The following NEMP2 variants were observed in gnomAD, a reference collection of about 807,000 sequenced individuals.
NEMP2 encodes the protein nuclear envelope integral membrane protein 2.
In NEMP2, 53 loss-of-function variants were observed where a neutral mutation model predicts 54.2. The observed-to-expected ratio is 0.98, with a 90% CI of 0.78 to 1.23. NEMP2 has a LOEUF of 1.23. Ranked by LOEUF, NEMP2 falls within the 50% of genes most tolerant of loss-of-function variation. The pLI is 0.00. For missense variants in NEMP2, 455 were observed against 511.3 expected (o/e 0.89, Z 1.06); for synonymous variants, 197 against 190.3 (o/e 1.04, Z -0.29).
the NEMP2 span, among the ~76,000 whole-genome samples, chr2:190,597,575 G>A: frequency 1.7e-4 from 26 of 152,250 alleles, no homozygotes; most frequent in East Asian, 3.1e-3. This position sits in a 1 kb window ranked among gnomAD's most constrained non-coding sequence, Gnocchi z 4.7. Context: ...AAGAATGTCC[G>A]TGTAGCAATC....
At chr2:190,532,221 C>T (rs1041557573) in intron 1 of NEMP2, among the ~76,000 whole-genome samples, 4 of 152,154 alleles carry the variant, frequency 2.6e-5, no homozygotes, top group East Asian at 1.9e-4. Flanking sequence ...AAGGTGTTAA[C>T]GTGAGGCACC....
upstream of NEMP2, among the ~76,000 whole-genome samples, chr2:190,537,133 G>C (rs1691401643): frequency 6.6e-6 from 1 of 152,116 alleles, no homozygotes; most frequent in South Asian, 2.1e-4. Flanking sequence ...AATATATATA[G>C]AGAATTTCAG....
chr2:190,615,462 G>A, the NEMP2 span, among the ~76,000 whole-genome samples: 3 of 152,198 alleles, frequency 2.0e-5, no homozygotes, highest in Non-Finnish European at 1.5e-5. The surrounding 1 kb of genome is among the most constrained non-coding windows in gnomAD (Gnocchi z 4.7). Flanking sequence ...TGAAGGGCAC[G>A]GAGCTTCCAC....
At chr2:190,496,695 C>T in the NEMP2 span, among the ~76,000 whole-genome samples, 2 of 151,526 alleles carry the variant, frequency 1.3e-5, no homozygotes, top group Non-Finnish European at 2.9e-5. This position sits in a 1 kb window ranked among gnomAD's most constrained non-coding sequence, Gnocchi z 4.7. Context: ...CACACACACA[C>T]ATATACATAC....
At chr2:190,429,785 C>T in the NEMP2 span, among the ~76,000 whole-genome samples, 1 of 151,924 alleles carries the variant, frequency 6.6e-6, no homozygotes, top group East Asian at 1.9e-4. Context: ...CTATAATCTA[C>T]CTGGAATTCA....
chr2:190,497,840 G>A, the NEMP2 span: 1 of 1,198,302 alleles, frequency 8.3e-7, no homozygotes, highest in Non-Finnish European at 1.2e-6. This position sits in a 1 kb window ranked among gnomAD's most constrained non-coding sequence, Gnocchi z 5.2. Flanking sequence ...GGGGGAAATA[G>A]ACATGCAAAC....
Position 190,525,947 on chromosome 2 carries a change from A to AGCATT in NEMP2, c.98-574_98-570dup, listed in dbSNP as rs1220868105. Among the ~76,000 whole-genome samples the AGCATT allele has an allele frequency of 6.6e-6, 1 of 152,186 alleles. No homozygotes were observed. Among genetic ancestry groups the AGCATT allele is most frequent in the East Asian group, 1.9e-4 (1 of 5,198 alleles). On this transcript the variant is annotated intron_variant, in intron 1 of 8. Transcript: ENST00000409150. This position sits in a 1 kb window ranked among gnomAD's most constrained non-coding sequence, Gnocchi z 5.0. ...CATGTGGACTCCATCTTGAAAGCAGAGCATTGGAGGATTTTAGGTAAGTAT... is the reference window on the plus strand; with the variant it reads ...CATGTGGACTCCATCTTGAAAGCAGAGCATTGCATTGGAGGATTTTAGGTAAGTAT...
chr2:190,514,702 T>C lies in NEMP2; in HGVS notation c.728-24A>G. 1.3e-6 allele frequency: 2 copies of C among 1,540,766 alleles called. No individual in the cohort carries two copies. The highest frequency in any genetic ancestry group is 1.8e-6 in the Non-Finnish European group (2 of 1,137,818). On this transcript the variant is annotated intron_variant, in intron 6 of 8. Transcript: ENST00000409150. The surrounding 1 kb of genome is among the most constrained non-coding windows in gnomAD (Gnocchi z 5.7). ...GCCTGGAAAAGTGGAAGAGGTAAAA[T>C]AATATAAATTTGAATTTGAGACATT...
chr2:190,557,923 G>A, the NEMP2 span, among the ~76,000 whole-genome samples: 1 of 152,156 alleles, frequency 6.6e-6, no homozygotes, highest in African/African-American at 2.4e-5. Context: ...GGTGATTCCT[G>A]AAGGACCTAG....
chr2:190,572,847 A>T, the NEMP2 span, among the ~76,000 whole-genome samples: 1 of 109,250 alleles, frequency 9.2e-6, no homozygotes, highest in Admixed American at 8.9e-5. Flanking sequence ...ATATATATAT[A>T]TATATATATA....
At chr2:190,594,255 CA>C in the NEMP2 span, among the ~76,000 whole-genome samples, 1 of 152,194 alleles carries the variant, frequency 6.6e-6, no homozygotes, top group East Asian at 1.9e-4. The surrounding 1 kb of genome is among the most constrained non-coding windows in gnomAD (Gnocchi z 5.6). Context: ...ACCTCTTCAG[CA>C]AGGACTTCTC....
chr2:190,569,341 A>T, the NEMP2 span, among the ~76,000 whole-genome samples: 1 of 152,202 alleles, frequency 6.6e-6, no homozygotes, highest in African/African-American at 2.4e-5. Context: ...TTTCACTGTA[A>T]TTATTACTAA....
At position 190,505,424 on chromosome 2, in the gene NEMP2, A is replaced by G. The variant is rs958396472; in HGVS notation, c.*3765T>C. ...AGGTGCCTCATATAGTGCCTGATGG[A>G]TCTCTAGTCAATGTTGGTATTCTTT... On this transcript the variant is annotated 3_prime_UTR_variant, in exon 9 of 9. Coordinates refer to ENST00000409150, the MANE Select transcript of NEMP2 (RefSeq NM_001142645.2). The surrounding 1 kb of genome is among the most constrained non-coding windows in gnomAD (Gnocchi z 5.8). 5.9e-5 allele frequency: 9 copies of G among 152,112 alleles called. No homozygotes were observed. The highest frequency in any genetic ancestry group is 1.2e-4 in the Non-Finnish European group (8 of 68,026). 9.4% of individuals were successfully genotyped at this position (152,112 alleles called of 1,614,324 possible).
the NEMP2 span, among the ~76,000 whole-genome samples, chr2:190,431,223 G>T: frequency 2.6e-5 from 4 of 151,240 alleles, no homozygotes; most frequent in Non-Finnish European, 5.9e-5. The surrounding 1 kb of genome is among the most constrained non-coding windows in gnomAD (Gnocchi z 4.4). Context: ...TTCCCAGACT[G>T]GGCAGCCAGG....
chr2:190,619,324 AC>A, the NEMP2 span, among the ~76,000 whole-genome samples: 1 of 146,720 alleles, frequency 6.8e-6, no homozygotes, highest in East Asian at 2.0e-4. This position sits in a 1 kb window ranked among gnomAD's most constrained non-coding sequence, Gnocchi z 5.5. Context: ...ATATGGAGAC[AC>A]CTGTCTCCAC....
chr2:190,572,172 G>A, the NEMP2 span, among the ~76,000 whole-genome samples: 1 of 151,966 alleles, frequency 6.6e-6, no homozygotes, highest in East Asian at 1.9e-4. Context: ...GATAAATTTT[G>A]ATGATTAGTT....
chr2:190,494,872 G>A, the NEMP2 span, among the ~76,000 whole-genome samples: 1 of 152,134 alleles, frequency 6.6e-6, no homozygotes, highest in Non-Finnish European at 1.5e-5. The surrounding 1 kb of genome is among the most constrained non-coding windows in gnomAD (Gnocchi z 5.7). Context: ...AGCCATTTGT[G>A]ATAAACCCAC....
the NEMP2 span, among the ~76,000 whole-genome samples, chr2:190,482,903 T>TTTTTTTTTTTTTCTTTTTTTTTTG: frequency 2.3e-5 from 2 of 86,228 alleles, 1 homozygote; most frequent in Non-Finnish European, 4.3e-5. Flanking sequence ...TTTTTTTTTT[T>TTTTTTTTTTTTTCTTTTTTTTTTG]AGACGGAGTC....
At chr2:190,466,027 TG>T in the NEMP2 span, among the ~76,000 whole-genome samples, 1 of 152,220 alleles carries the variant, frequency 6.6e-6, no homozygotes, top group Admixed American at 6.5e-5. Context: ...CGAGATCAAT[TG>T]TCCGTAGGGT....
Sources: allele counts gnomAD v4.1 joint callset (sites outside exome capture counted in the v4.1 genomes callset), GRCh38; gene constraint gnomAD v4.1.1; non-coding constraint Gnocchi (gnomAD v3.1); transcripts MANE v1.5; gene names NCBI Gene and HGNC (gene_info 2026-07-23, HGNC 2026-07-21).